The following OSBPL8 variants were observed in gnomAD, a reference collection of about 807,000 sequenced individuals.
The protein encoded by OSBPL8 is oxysterol-binding protein-related protein 8.
In OSBPL8, 59 loss-of-function variants were observed where a neutral mutation model predicts 125.5. The ratio of observed to expected loss-of-function variants is 0.47; its 90% CI spans 0.38 to 0.58. The LOEUF is 0.58. Ranked by LOEUF, OSBPL8 falls within the 20% of genes least tolerant of loss-of-function variation. The pLI, the probability that OSBPL8 is intolerant of heterozygous loss-of-function variation, is 0.00. For missense variants in OSBPL8, 758 were observed against 1,047.8 expected (o/e 0.72, Z 3.82); for synonymous variants, 330 against 338.9 (o/e 0.97, Z 0.29).
intron 14 of OSBPL8, among the ~76,000 whole-genome samples, chr12:76,384,737 C>T (rs756950317): frequency 3.9e-5 from 6 of 152,140 alleles, no homozygotes; most frequent in Non-Finnish European, 7.4e-5. Flanking sequence ...GAGAGGGCTA[C>T]GTGGTGAGGA....
intron 4 of OSBPL8, among the ~76,000 whole-genome samples, chr12:76,443,299 C>T (rs1565901031): frequency 6.6e-6 from 1 of 151,946 alleles, no homozygotes; most frequent in African/African-American, 2.4e-5. Flanking sequence ...CTTTTTACAA[C>T]CAAGAATGAG....
At chr12:76,473,906 G>T (rs760862239) in intron 2 of OSBPL8, among the ~76,000 whole-genome samples, 6 of 152,100 alleles carry the variant, frequency 3.9e-5, no homozygotes, top group Admixed American at 2.6e-4. Flanking sequence ...ATCTCATAGG[G>T]TTATTTTAAA....
chr12:76,405,886 T>C (rs983165118), intron 5 of OSBPL8, among the ~76,000 whole-genome samples: 3 of 152,182 alleles, frequency 2.0e-5, no homozygotes, highest in Non-Finnish European at 2.9e-5. Context: ...GGCATTAGAA[T>C]GTTTAGCATG....
chr12:76,452,045 G>A (rs1290732843), intron 3 of OSBPL8, among the ~76,000 whole-genome samples: 5 of 151,948 alleles, frequency 3.3e-5, no homozygotes, highest in African/African-American at 7.2e-5. Context: ...TGAACCTGGG[G>A]GGCAGAGGTT....
At chr12:76,451,200 A>G (rs145563479) in intron 3 of OSBPL8, among the ~76,000 whole-genome samples, 153 of 152,304 alleles carry the variant, frequency 1.0e-3, no homozygotes, top group Non-Finnish European at 1.6e-3. Context: ...TTTGAGTCAA[A>G]TATACAAATT....
rs1041852837 is a variant in OSBPL8 at position 76,552,540 on chromosome 12, C to T, written c.-68+6857G>A. ...CACAACCTCTGTCTACTACATGGTCCCTCCCTCACAATAGCAGCCTAATGA... is the reference window on the plus strand; with the variant it reads ...CACAACCTCTGTCTACTACATGGTCTCTCCCTCACAATAGCAGCCTAATGA... On this transcript the variant is annotated intron_variant, in intron 1 of 23. Transcript: ENST00000261183. 2.0e-5 allele frequency among the ~76,000 whole-genome samples: 3 copies of T among 151,632 alleles called. No homozygotes were observed. The East Asian group carries it at 5.8e-4, about 29-fold the overall frequency.
At chr12:76,428,501 T>A (rs1870423910) in intron 4 of OSBPL8, among the ~76,000 whole-genome samples, 1 of 152,038 alleles carries the variant, frequency 6.6e-6, no homozygotes, top group African/African-American at 2.4e-5. Context: ...ACACTCATGA[T>A]AAAAAAACAT....
chr12:76,422,638 G>A (rs1435436932), intron 4 of OSBPL8: 1 of 456,360 alleles, frequency 2.2e-6, no homozygotes, highest in Non-Finnish European at 4.4e-6. Flanking sequence ...TACGTTGTGA[G>A]CTCTCTTCTT....
chr12:76,396,656 C>A (rs186677988), intron 8 of OSBPL8, among the ~76,000 whole-genome samples: 2 of 151,898 alleles, frequency 1.3e-5, no homozygotes, highest in African/African-American at 4.8e-5. Context: ...TGGGGGGCTG[C>A]GGTGGGAGAA....
chr12:76,380,541 A>AAAAC (rs1025879097), intron 15 of OSBPL8, among the ~76,000 whole-genome samples: 1 of 151,194 alleles, frequency 6.6e-6, no homozygotes, highest in Non-Finnish European at 1.5e-5. Flanking sequence ...AAAAAAAAAA[A>AAAAC]AAAAAACCCT....
At chr12:76,497,820 TTA>T (rs1201574819) in intron 1 of OSBPL8, among the ~76,000 whole-genome samples, 5 of 152,196 alleles carry the variant, frequency 3.3e-5, no homozygotes, top group Non-Finnish European at 7.3e-5. Context: ...GAAGAGACTC[TTA>T]TATAACACTT....
intron 12 of OSBPL8, among the ~76,000 whole-genome samples, chr12:76,389,038 T>C (rs1327109895): frequency 2.0e-5 from 3 of 152,214 alleles, no homozygotes; most frequent in African/African-American, 7.2e-5. Flanking sequence ...ACAAAGTTGC[T>C]GTTCCTTGCA....
chr12:76,365,224 G>A (rs993810767), intron 21 of OSBPL8, among the ~76,000 whole-genome samples: 17 of 152,158 alleles, frequency 1.1e-4, no homozygotes, highest in Admixed American at 6.5e-5. Flanking sequence ...TTACAGGCAT[G>A]AGCCACTGCG....
chr12:76,500,903 G>A lies in OSBPL8; in HGVS notation c.-67-13285C>T, dbSNP rs570592397. Among the ~76,000 whole-genome samples the A allele has an allele frequency of 2.0e-5, 3 of 152,246 alleles. No individual in the cohort carries two copies. The South Asian group carries it at 6.2e-4, about 32-fold the overall frequency. ...TCACAAAGTCTGGCAAAGTCATTCT[G>A]CTAACGTTTGAATTTACTGACATAT... On this transcript the variant is annotated intron_variant, in intron 1 of 23. Coordinates refer to ENST00000261183, the MANE Select transcript of OSBPL8 (RefSeq NM_020841.5).
chr12:76,468,691 TTGA>T (rs1192493244), intron 2 of OSBPL8, among the ~76,000 whole-genome samples: 1 of 152,240 alleles, frequency 6.6e-6, no homozygotes, highest in Non-Finnish European at 1.5e-5. Context: ...TGTGAATTCT[TTGA>T]TAATTCATAA....
chr12:76,472,974 T>C (rs1876356279), intron 2 of OSBPL8, among the ~76,000 whole-genome samples: 1 of 151,986 alleles, frequency 6.6e-6, no homozygotes, highest in African/African-American at 2.4e-5. Context: ...GTAGCAGGTG[T>C]TTTTCCTTGA....
At chr12:76,547,330 T>A (rs1950809014) in intron 1 of OSBPL8, among the ~76,000 whole-genome samples, 1 of 151,960 alleles carries the variant, frequency 6.6e-6, no homozygotes, top group Admixed American at 6.6e-5. Context: ...TATTCTAAGC[T>A]CAATCAATAT....
chr12:76,529,577 C>T (rs1950276514), intron 1 of OSBPL8, among the ~76,000 whole-genome samples: 1 of 151,468 alleles, frequency 6.6e-6, no homozygotes, highest in South Asian at 2.1e-4. Flanking sequence ...ATTTGGCTTT[C>T]TATTAAAACA....
At chr12:76,471,420 T>G (rs777835018) in intron 2 of OSBPL8, among the ~76,000 whole-genome samples, 1 of 152,182 alleles carries the variant, frequency 6.6e-6, no homozygotes, top group African/African-American at 2.4e-5. Flanking sequence ...TCTCCTTCAC[T>G]TTTATTTTCC....
Sources: gnomAD v4.1 joint callset for allele counts (sites outside exome capture counted in the v4.1 genomes callset) on GRCh38, gnomAD v4.1.1 for gene constraint, MANE v1.5 for transcripts, NCBI Gene and HGNC (gene_info 2026-07-23, HGNC 2026-07-21) for gene names.